The following CPA6 variants were observed in gnomAD, a reference collection of about 807,000 sequenced individuals.
CPA6 encodes the protein carboxypeptidase B.
In CPA6, 58 loss-of-function variants were observed where a neutral mutation model predicts 63.3. The ratio of observed to expected loss-of-function variants is 0.92; its 90% confidence interval spans 0.74 to 1.14. The LOEUF is 1.14. CPA6 is among the 50% of genes most tolerant of loss of function. The pLI is 0.00. For synonymous variants in CPA6, 185 were observed against 179.0 expected (o/e 1.03, Z -0.27); for missense variants, 565 against 526.6 (o/e 1.07, Z -0.71).
At chr8:67,447,538 C>CACACACACACAT (rs1810456581) in intron 8 of CPA6, among the ~76,000 whole-genome samples, 1 of 144,386 alleles carries the variant, frequency 6.9e-6, no homozygotes, top group Non-Finnish European at 1.5e-5. Flanking sequence ...CACACACACA[C>CACACACACACAT]ACACACACAT....
intron 8 of CPA6, among the ~76,000 whole-genome samples, chr8:67,446,866 C>T (rs1810428358): frequency 6.6e-6 from 1 of 152,072 alleles, no homozygotes; most frequent in Non-Finnish European, 1.5e-5. Flanking sequence ...GCGTAGTTAA[C>T]ATAGTTTACA....
intron 2 of CPA6, among the ~76,000 whole-genome samples, chr8:67,562,185 T>C (rs942074725): frequency 1.3e-5 from 2 of 152,218 alleles, no homozygotes; most frequent in Non-Finnish European, 2.9e-5. Flanking sequence ...AGATGAGCTT[T>C]AAGTCCAATT....
chr8:67,667,096 T>C (rs1816247939), intron 1 of CPA6, among the ~76,000 whole-genome samples: 1 of 151,134 alleles, frequency 6.6e-6, no homozygotes, highest in African/African-American at 2.4e-5. Context: ...CCAAAAAACC[T>C]ATCATCTGGC....
intron 1 of CPA6, among the ~76,000 whole-genome samples, chr8:67,647,260 G>A (rs1293823709): frequency 3.9e-5 from 6 of 152,106 alleles, no homozygotes. Flanking sequence ...AGCCAGGTTT[G>A]ACAGCAAATA....
At position 67,427,219 on chromosome 8, in the gene CPA6, C is replaced by A. The variant is rs535888491; in HGVS notation, c.1126+828G>T. 6.6e-5 allele frequency among the ~76,000 whole-genome samples: 10 copies of A among 152,306 alleles called. 1 individual carries two copies. Among genetic ancestry groups the A allele is most frequent in the Admixed American group, 4.6e-4 (7 of 15,294 alleles). ...CAGTGGACCTAACAACAAAGCAACC[C>A]TTATCTTCCATTGGTTTTACATACC... On this transcript the variant is annotated intron_variant, in intron 10 of 10. Transcript: ENST00000297770.
intron 10 of CPA6, among the ~76,000 whole-genome samples, chr8:67,426,155 T>C (rs868276451): frequency 1.3e-5 from 2 of 152,204 alleles, no homozygotes; most frequent in Middle Eastern, 3.4e-3. Flanking sequence ...TTTTAGTAGA[T>C]AAGGGGTTTT....
intron 2 of CPA6, among the ~76,000 whole-genome samples, chr8:67,594,385 T>C (rs1032614034): frequency 6.6e-6 from 1 of 152,044 alleles, no homozygotes; most frequent in Non-Finnish European, 1.5e-5. Context: ...TCTCGAGGAG[T>C]ATCTTTGCGG....
At chr8:67,526,823 C>T (rs1812373630) in intron 2 of CPA6, among the ~76,000 whole-genome samples, 1 of 152,156 alleles carries the variant, frequency 6.6e-6, no homozygotes, top group Non-Finnish European at 1.5e-5. Flanking sequence ...GAGCCAATAC[C>T]ACCTTAGTTC....
At position 67,685,819 on chromosome 8, in the gene CPA6, T is replaced by C. The variant is rs544457141; in HGVS notation, c.116+60195A>G. Among the ~76,000 whole-genome samples, 6 of 152,322 alleles carry C rather than the reference T, an allele frequency of 3.9e-5. No homozygotes were observed. In the South Asian group the frequency reaches 1.2e-3, roughly 32 times the overall value. On this transcript the variant is annotated intron_variant, in intron 1 of 10. Transcript: ENST00000297770. ...GTCACCAAAGGTCTTGGTCTTTAAC[T>C]TGACCACTGTTTCTGCCTGGAATGT...
intron 8 of CPA6, among the ~76,000 whole-genome samples, chr8:67,474,109 C>T (rs1337802564): frequency 6.6e-6 from 1 of 152,184 alleles, no homozygotes; most frequent in African/African-American, 2.4e-5. Flanking sequence ...AAAGCAACTT[C>T]CATCTTTCTT....
intron 3 of CPA6, among the ~76,000 whole-genome samples, chr8:67,511,981 C>G (rs965391763): frequency 2.0e-5 from 3 of 152,162 alleles, no homozygotes; most frequent in African/African-American, 7.2e-5. Flanking sequence ...CTACCAGCAG[C>G]CAGGCACTGT....
chr8:67,653,517 G>A (rs1181989355), intron 1 of CPA6, among the ~76,000 whole-genome samples: 47 of 151,548 alleles, frequency 3.1e-4, no homozygotes, highest in African/African-American at 1.1e-3. Flanking sequence ...GTGAATGGGA[G>A]TTCACTCATG....
chr8:67,488,074 A>G (rs1244978040), intron 6 of CPA6, among the ~76,000 whole-genome samples: 1 of 152,074 alleles, frequency 6.6e-6, no homozygotes, highest in Non-Finnish European at 1.5e-5. Context: ...CCATTTGTCT[A>G]TTTTGGCTTC....
At chr8:67,660,985 T>A (rs1816095105) in intron 1 of CPA6, among the ~76,000 whole-genome samples, 1 of 152,174 alleles carries the variant, frequency 6.6e-6, no homozygotes, top group Admixed American at 6.5e-5. Context: ...TGTAACTATA[T>A]GATTTATGGC....
At chr8:67,682,039 C>G (rs1563391039) in intron 1 of CPA6, among the ~76,000 whole-genome samples, 2 of 151,840 alleles carry the variant, frequency 1.3e-5, no homozygotes, top group East Asian at 3.9e-4. Context: ...CATAACGTGA[C>G]TTTTTTCCCT....
intron 1 of CPA6, among the ~76,000 whole-genome samples, chr8:67,631,160 A>T (rs138021651): frequency 1.0e-3 from 154 of 152,328 alleles, no homozygotes; most frequent in African/African-American, 3.5e-3. Context: ...GGGATCTACT[A>T]GGCAAAGCCA....
chr8:67,467,769 G>A (rs945396353), intron 8 of CPA6, among the ~76,000 whole-genome samples: 1 of 151,910 alleles, frequency 6.6e-6, no homozygotes, highest in South Asian at 2.1e-4. Context: ...TCTGGAGGCC[G>A]AGGGGGGCAA....
chr8:67,524,525 C>T (rs1161204560), intron 2 of CPA6, among the ~76,000 whole-genome samples: 1 of 152,136 alleles, frequency 6.6e-6, no homozygotes, highest in African/African-American at 2.4e-5. Context: ...CCTCCATCTT[C>T]CCATGGTCTT....
intron 1 of CPA6, among the ~76,000 whole-genome samples, chr8:67,649,991 G>T (rs938258809): frequency 3.9e-5 from 6 of 152,172 alleles, no homozygotes; most frequent in Non-Finnish European, 8.8e-5. Context: ...GACTCAGGAA[G>T]TCAGATTGTC....
Sources: allele counts gnomAD v4.1 joint callset (sites outside exome capture counted in the v4.1 genomes callset), GRCh38; gene constraint gnomAD v4.1.1; transcripts MANE v1.5; gene names NCBI Gene and HGNC (gene_info 2026-07-23, HGNC 2026-07-21).